Variants in EIF2D observed in about 807,000 individuals in gnomAD.
The protein encoded by EIF2D is eukaryotic translation initiation factor 2D, also known as hepatocellular carcinoma-associated antigen 56.
In EIF2D, 56 loss-of-function variants were observed where a neutral mutation model predicts 77.4. The observed-to-expected ratio is 0.72, with a 90% CI of 0.58 to 0.90. The LOEUF (loss-of-function observed/expected upper bound fraction) is 0.90, where lower values mean the gene tolerates loss of function less well. Ranked by LOEUF, EIF2D falls within the 40% of genes least tolerant of loss-of-function variation. EIF2D has a pLI of 0.00. For missense variants in EIF2D, 574 were observed against 706.5 expected, an observed-to-expected ratio of 0.81 and a Z score of 2.13; for synonymous variants, 230 against 271.0, an observed-to-expected ratio of 0.85 and a Z score of 1.49.
intron 14 of EIF2D, among the ~76,000 whole-genome samples, 157 bp downstream of exon 14, chr1:206,593,462 A>G (rs977875123): frequency 6.7e-6 from 1 of 149,994 alleles, no homozygotes; most frequent in Non-Finnish European, 1.5e-5. Context: ...ACTAAAAACT[A>G]AATGGAGAGA....
At chr1:206,609,338 T>C (rs1553413362) in intron 3 of EIF2D, 38 bp downstream of exon 3, 3 of 1,587,134 alleles carry the variant, frequency 1.9e-6, no homozygotes, top group Non-Finnish European at 2.6e-6. Flanking sequence ...GCTAAGTAGG[T>C]TTCAGCCAAT....
At chr1:206,602,263 T>A (rs782285289) in intron 7 of EIF2D, 73 bp downstream of exon 7, 89 of 1,194,766 alleles carry the variant, frequency 7.4e-5, no homozygotes, top group Non-Finnish European at 1.0e-4. Flanking sequence ...ATTGGCCCCA[T>A]CCTGTCCTAC....
chr1:206,570,539 T>C (rs1281146427), downstream of EIF2D, among the ~76,000 whole-genome samples: 2 of 151,768 alleles, frequency 1.3e-5, no homozygotes. Context: ...CCCTACCAAT[T>C]AAACAGTAAC....
intron 4 of EIF2D, 80 bp from the exon 5 acceptor site, chr1:206,605,587 G>T: frequency 2.4e-6 from 3 of 1,252,106 alleles, no homozygotes; most frequent in Non-Finnish European, 3.4e-6. Flanking sequence ...TCTGACACAT[G>T]TGGTAAAAAT....
intron 3 of EIF2D, 129 bp downstream of exon 3, chr1:206,609,247 A>C: frequency 2.3e-6 from 2 of 857,886 alleles, no homozygotes; most frequent in Non-Finnish European, 3.7e-6. Context: ...TGAGAAACAT[A>C]AAACACATAG....
chr1:206,597,080 G>A lies in EIF2D; in HGVS notation c.1388+20C>T. 6.3e-7 allele frequency: 1 copy of A among 1,594,680 alleles called. No homozygotes were observed. Among genetic ancestry groups the A allele is most frequent in the Non-Finnish European group, 8.6e-7 (1 of 1,162,666 alleles). The stretch of plus-strand genomic sequence containing the variant: ...GCGAGGGGATAGAAAAGTTGGAGAG[G>A]GACTGCCAATGCTCGTTACCTGGTC... On this transcript the variant is annotated intron_variant, in intron 12 of 14. Coordinates refer to ENST00000271764, the MANE Select transcript of EIF2D (RefSeq NM_006893.3).
chr1:206,580,404 C>T (rs1451221106), intron 4 of EIF2D, among the ~76,000 whole-genome samples: 1 of 152,210 alleles, frequency 6.6e-6, no homozygotes, highest in Non-Finnish European at 1.5e-5. Context: ...TCCTGAGGAG[C>T]AATAGCCTAC....
At chr1:206,587,782 G>C (rs1558526707), downstream of EIF2D, 1 of 152,440 alleles carries the variant, frequency 6.6e-6, no homozygotes, top group Non-Finnish European at 1.5e-5. Flanking sequence ...CCAAAGGGAA[G>C]CCAGTCATTG....
chr1:206,591,242 G>A (rs779292013), downstream of EIF2D, among the ~76,000 whole-genome samples: 28 of 152,134 alleles, frequency 1.8e-4, no homozygotes, highest in Non-Finnish European at 3.2e-4. Flanking sequence ...AGAAACCCAC[G>A]TCCTAATATG....
chr1:206,577,351 G>A (rs1668692927), intron 4 of EIF2D, among the ~76,000 whole-genome samples: 1 of 152,140 alleles, frequency 6.6e-6, no homozygotes, highest in African/African-American at 2.4e-5. Context: ...TGGCTCAGAG[G>A]GGTAGAACTT....
chr1:206,570,659 C>CTT (rs1472419974), downstream of EIF2D, among the ~76,000 whole-genome samples: 1 of 149,064 alleles, frequency 6.7e-6, no homozygotes, highest in African/African-American at 2.5e-5. Flanking sequence ...AGTATTAATC[C>CTT]TTTTGTGACT....
At chr1:206,600,375 G>GGC in intron 7 of EIF2D, 67 bp from the exon 8 acceptor site, 2 of 1,473,402 alleles carry the variant, frequency 1.4e-6, no homozygotes, top group Non-Finnish European at 1.9e-6. Flanking sequence ...CTGACACTGA[G>GGC]AGGAGGGCCT....
intron 4 of EIF2D, among the ~76,000 whole-genome samples, chr1:206,574,574 C>T (rs782191961): frequency 6.6e-6 from 1 of 152,202 alleles, no homozygotes; most frequent in African/African-American, 2.4e-5. Flanking sequence ...GCTCAAATTC[C>T]ACATGGAGCA....
At chr1:206,588,965 G>A (rs942071474), downstream of EIF2D, 1 of 152,708 alleles carries the variant, frequency 6.5e-6, no homozygotes. Flanking sequence ...AAAAAGTCAT[G>A]TATATATACA....
rs1553410706 is a variant in EIF2D, at chr1:206,598,986, G to A, written c.1292+17C>T. On this transcript the variant is annotated intron_variant, in intron 11 of 14. Transcript: ENST00000271764. ...AAAGACCCAATAAGACAGATCTGGT[G>A]CTTCTCATGCACTCACTTTTTGTTG... 1 of 1,612,526 alleles carries A rather than the reference G, an allele frequency of 6.2e-7. No individual in the cohort carries two copies. The highest frequency in any genetic ancestry group is 2.2e-5 in the East Asian group (1 of 44,882).
rs371319562 is a variant in EIF2D at position 206,597,739 on chromosome 1, GT to G, written c.1293-545del. 4.7e-3 allele frequency among the ~76,000 whole-genome samples: 719 copies of G among 152,278 alleles called. 9 individuals carry two copies. Among genetic ancestry groups the G allele is most frequent in the African/African-American group, 0.017 (697 of 41,554 alleles). On this transcript the variant is annotated intron_variant, in intron 11 of 14. Transcript: ENST00000271764. ...ATGGGTGGATCACTTGAGGTCAGGAGTTCAAGACTAGCCTGGCCAACATGGT... is the reference window on the plus strand; with the variant it reads ...ATGGGTGGATCACTTGAGGTCAGGAGTCAAGACTAGCCTGGCCAACATGGT...
intron 1 of EIF2D, among the ~76,000 whole-genome samples, chr1:206,611,804 T>C (rs1234476071): frequency 6.6e-6 from 1 of 152,246 alleles, no homozygotes; most frequent in African/African-American, 2.4e-5. Flanking sequence ...CAATCTCCAT[T>C]TGTGACCCTG....
chr1:206,584,740 C>T lies in EIF2D; in HGVS notation c.139-3578G>A, dbSNP rs782511231. 45 of 1,593,994 alleles carry T rather than the reference C, an allele frequency of 2.8e-5. No individual in the cohort carries two copies. Among genetic ancestry groups the T allele is most frequent in the Non-Finnish European group, 3.8e-5 (44 of 1,166,474 alleles). ...TTCCCTTCCTACCTGTGTCCAAGCC[C>T]ACCCACTAAAACTCCTGCCGGCCTT... On this transcript the variant is annotated intron_variant and NMD_transcript_variant, in intron 2 of 5. Transcript: ENST00000472709. The surrounding 1 kb of genome is among the most constrained non-coding windows in gnomAD (Gnocchi z 4.9).
At chr1:206,596,783 C>A (rs1342307741) in intron 12 of EIF2D, among the ~76,000 whole-genome samples, 2 of 152,028 alleles carry the variant, frequency 1.3e-5, no homozygotes, top group Non-Finnish European at 2.9e-5. Context: ...CCTCCTGGGC[C>A]CAAGCAATCC....
Sources: gnomAD v4.1 joint callset for allele counts (sites outside exome capture counted in the v4.1 genomes callset) on GRCh38, gnomAD v4.1.1 for gene constraint, Gnocchi (gnomAD v3.1) non-coding constraint, MANE v1.5 for transcripts, NCBI Gene and HGNC (gene_info 2026-07-23, HGNC 2026-07-21) for gene names.